Variants in CSGALNACT1 observed in about 807,000 individuals in gnomAD.
CSGALNACT1 encodes beta4GalNAcT-1.
CSGALNACT1 carries 52 observed loss-of-function variants against 51.0 expected under a neutral mutation model. That is an observed-to-expected ratio of 1.02 (90% CI 0.82 to 1.29). CSGALNACT1 has a LOEUF of 1.29. CSGALNACT1 is among the 50% of genes most tolerant of loss of function. CSGALNACT1 has a pLI of 0.00. For synonymous variants in CSGALNACT1, 341 were observed against 254.4 expected (o/e 1.34, Z -3.24); for missense variants, 935 against 679.2 (o/e 1.38, Z -4.19).
intron 3 of CSGALNACT1, among the ~76,000 whole-genome samples, chr8:19,562,447 A>G (rs1730065855): frequency 6.6e-6 from 1 of 151,894 alleles, no homozygotes; most frequent in Non-Finnish European, 1.5e-5. Flanking sequence ...AAAAGCAAAA[A>G]CTGACAAATG....
intron 1 of CSGALNACT1, among the ~76,000 whole-genome samples, chr8:19,625,590 T>C (rs561120150): frequency 6.6e-6 from 1 of 152,318 alleles, no homozygotes; most frequent in East Asian, 1.9e-4. Flanking sequence ...TATCCAGGGC[T>C]GGAGTATAGG....
chr8:19,521,165 G>A (rs903380959), intron 3 of CSGALNACT1, among the ~76,000 whole-genome samples: 1 of 152,158 alleles, frequency 6.6e-6, no homozygotes, highest in Non-Finnish European at 1.5e-5. Flanking sequence ...CTAGCCAGCT[G>A]TCTAAGATTT....
chr8:19,745,000 C>G (rs1212275807), intron 1 of CSGALNACT1, among the ~76,000 whole-genome samples: 1 of 152,178 alleles, frequency 6.6e-6, no homozygotes, highest in Non-Finnish European at 1.5e-5. Flanking sequence ...TCTTGGTACC[C>G]ATAAAGGTAC....
intron 1 of CSGALNACT1, among the ~76,000 whole-genome samples, chr8:19,731,938 T>C (rs1378564599): frequency 6.6e-6 from 1 of 152,246 alleles, no homozygotes; most frequent in Non-Finnish European, 1.5e-5. Flanking sequence ...ACTCTATCTT[T>C]GGCATTTCAA....
intron 5 of CSGALNACT1, among the ~76,000 whole-genome samples, chr8:19,454,706 A>C (rs1035915915): frequency 9.2e-5 from 14 of 152,228 alleles, no homozygotes; most frequent in African/African-American, 3.4e-4. Context: ...AAAAATCAGA[A>C]GATGAGACAC....
At chr8:19,605,844 G>A (rs957302180), upstream of CSGALNACT1, among the ~76,000 whole-genome samples, 2 of 152,198 alleles carry the variant, frequency 1.3e-5, no homozygotes, top group Admixed American at 1.3e-4. Context: ...CTACTGAAAA[G>A]AGCAATTAAA....
chr8:19,564,566 C>G (rs1220730235), intron 3 of CSGALNACT1, among the ~76,000 whole-genome samples: 1 of 152,280 alleles, frequency 6.6e-6, no homozygotes, highest in Admixed American at 6.5e-5. Flanking sequence ...GCTGCCCACA[C>G]TCATTCTTGC....
chr8:19,682,883 A>G (rs547200565), upstream of CSGALNACT1: 8 of 367,608 alleles, frequency 2.2e-5, no homozygotes, highest in African/African-American at 1.7e-4. Context: ...CCAACTGCAG[A>G]CCGCTGTCAA....
At chr8:19,646,201 A>G (rs1564339956) in intron 1 of CSGALNACT1, among the ~76,000 whole-genome samples, 1 of 152,196 alleles carries the variant, frequency 6.6e-6, no homozygotes, top group Non-Finnish European at 1.5e-5. Context: ...CTAGAAATAC[A>G]AGATAAGTGT....
intron 1 of CSGALNACT1, among the ~76,000 whole-genome samples, chr8:19,695,095 T>A (rs2061521196): frequency 6.6e-6 from 1 of 152,206 alleles, no homozygotes; most frequent in African/African-American, 2.4e-5. Flanking sequence ...CACCCAACAT[T>A]GTTCACAATA....
intron 1 of CSGALNACT1, among the ~76,000 whole-genome samples, chr8:19,677,017 C>A (rs982007674): frequency 1.3e-5 from 2 of 151,712 alleles, no homozygotes; most frequent in African/African-American, 4.8e-5. Context: ...TAAAGAGGAT[C>A]AAGAAAAGAA....
intron 1 of CSGALNACT1, among the ~76,000 whole-genome samples, chr8:19,636,959 G>A (rs1369866128): frequency 6.6e-6 from 1 of 152,016 alleles, no homozygotes; most frequent in African/African-American, 2.4e-5. Context: ...GGAGGCCAAG[G>A]AAGGCAGATC....
At chr8:19,462,046 G>A (rs1481565562) in intron 4 of CSGALNACT1, among the ~76,000 whole-genome samples, 1 of 152,130 alleles carries the variant, frequency 6.6e-6, no homozygotes, top group African/African-American at 2.4e-5. Flanking sequence ...CGTGGAGGGT[G>A]TATCTGCACA....
intron 2 of CSGALNACT1, among the ~76,000 whole-genome samples, chr8:19,594,851 C>T (rs895341082): frequency 8.5e-5 from 13 of 152,100 alleles, no homozygotes; most frequent in Non-Finnish European, 1.6e-4. Flanking sequence ...CACACCCGGA[C>T]TTTAATTTTA....
At chr8:19,428,825 A>ATATGTGTG (rs1263429048) in intron 6 of CSGALNACT1, among the ~76,000 whole-genome samples, 47 of 143,462 alleles carry the variant, frequency 3.3e-4, no homozygotes, top group African/African-American at 8.7e-4. Context: ...AAGACATGAT[A>ATATGTGTG]TGTGTGTGTG....
At chr8:19,515,572 A>G (rs2079361671) in intron 3 of CSGALNACT1, among the ~76,000 whole-genome samples, 1 of 152,222 alleles carries the variant, frequency 6.6e-6, no homozygotes, top group Non-Finnish European at 1.5e-5. Flanking sequence ...ATAACTAAGT[A>G]AAAGAATTCT....
intron 3 of CSGALNACT1, among the ~76,000 whole-genome samples, chr8:19,556,065 C>T (rs566318728): frequency 1.3e-5 from 2 of 152,248 alleles, no homozygotes; most frequent in East Asian, 3.9e-4. Flanking sequence ...GCAACATTTG[C>T]ATTAACAAAC....
At position 19,736,659 on chromosome 8, in the gene CSGALNACT1, A is replaced by C. The variant is rs200248165; in HGVS notation, c.-297+21191T>G. Among the ~76,000 whole-genome samples the C allele has an allele frequency of 1.7e-4, 26 of 152,294 alleles. No individual in the cohort carries two copies. The East Asian group carries it at 4.8e-3, about 28-fold the overall frequency. ...AGATGGTCTACATGTTGTATTGGAC[A>C]TGGTTAAAAAGAGAATTTGTAAAAC... On this transcript the variant is annotated intron_variant, in intron 1 of 1. Transcript: ENST00000517494.
At chr8:19,607,042 C>T (rs2051481988), upstream of CSGALNACT1, among the ~76,000 whole-genome samples, 1 of 151,936 alleles carries the variant, frequency 6.6e-6, no homozygotes, top group Non-Finnish European at 1.5e-5. Flanking sequence ...GTAGTCCCAG[C>T]TACTCTGGAG....
Sources: gnomAD v4.1 joint callset for allele counts (sites outside exome capture counted in the v4.1 genomes callset) on GRCh38, gnomAD v4.1.1 for gene constraint, MANE v1.5 for transcripts, NCBI Gene and HGNC (gene_info 2026-07-23, HGNC 2026-07-21) for gene names.